The following HTR2A variants were observed in gnomAD, a reference collection of about 807,000 sequenced individuals.
HTR2A encodes 5-HT2 receptor.
In HTR2A, 14 loss-of-function variants were observed where a neutral mutation model predicts 31.0. The observed-to-expected ratio is 0.45, with a 90% CI of 0.30 to 0.71. The LOEUF (loss-of-function observed/expected upper bound fraction) is 0.71. Among genes scored for constraint, HTR2A ranks in the 30% least tolerant of loss-of-function variants. The pLI, the probability that HTR2A is intolerant of heterozygous loss-of-function variation, is 0.09. For synonymous variants in HTR2A, 209 were observed against 225.2 expected (o/e 0.93, Z 0.64); for missense variants, 442 against 573.3 (o/e 0.77, Z 2.34).
At chr13:46,865,317 G>A (rs1194446853) in intron 3 of HTR2A, among the ~76,000 whole-genome samples, 3 of 152,214 alleles carry the variant, frequency 2.0e-5, no homozygotes, top group Non-Finnish European at 2.9e-5. Context: ...GCAAGTGATA[G>A]GGAGGAAAGA....
intron 3 of HTR2A, among the ~76,000 whole-genome samples, chr13:46,855,903 G>A (rs1460549494): frequency 2.6e-5 from 4 of 152,148 alleles, no homozygotes; most frequent in Non-Finnish European, 5.9e-5. Flanking sequence ...AACAGCTCTG[G>A]GCGTTGGAGC....
chr13:46,842,005 C>G (rs1950601177), intron 3 of HTR2A, among the ~76,000 whole-genome samples: 1 of 152,174 alleles, frequency 6.6e-6, no homozygotes, highest in East Asian at 1.9e-4. Flanking sequence ...CTGCTGATCA[C>G]TATGTTAGTT....
intron 3 of HTR2A, among the ~76,000 whole-genome samples, chr13:46,866,795 G>T (rs992391510): frequency 1.1e-4 from 17 of 152,220 alleles, no homozygotes; most frequent in African/African-American, 3.9e-4. Context: ...GGGAGGCCAA[G>T]GTGGGTGGAT....
Position 46,882,637 on chromosome 13 carries a change from A to C in HTR2A, c.613+9753T>G, listed in dbSNP as rs150268441. 1.7e-4 allele frequency among the ~76,000 whole-genome samples: 26 copies of C among 152,358 alleles called. No individual in the cohort carries two copies. In the East Asian group the frequency reaches 4.8e-3, roughly 28 times the overall value. On this transcript the variant is annotated intron_variant, in intron 3 of 3. Coordinates refer to ENST00000542664, the MANE Select transcript of HTR2A (RefSeq NM_000621.5). ...CATGTGGAAAAAAACAAGTAATGTC[A>C]AGTGACAAGTAACAAACTGGGAATA...
chr13:46,837,066 T>C (rs1221214611), intron 3 of HTR2A, among the ~76,000 whole-genome samples: 1 of 152,114 alleles, frequency 6.6e-6, no homozygotes, highest in African/African-American at 2.4e-5. Context: ...ATCACCCAGA[T>C]TTGGGGGATC....
chr13:46,850,256 T>A (rs1007312477), intron 3 of HTR2A, among the ~76,000 whole-genome samples: 2 of 152,222 alleles, frequency 1.3e-5, no homozygotes, highest in African/African-American at 4.8e-5. Context: ...TAGTAAATAA[T>A]AATGATAAAA....
Position 46,895,365 on chromosome 13 carries a change from G to T in HTR2A, c.412+130C>A. On this transcript the variant is annotated intron_variant, in intron 2 of 3. Coordinates refer to ENST00000542664, the MANE Select transcript of HTR2A (RefSeq NM_000621.5). This position sits in a 1 kb window ranked among gnomAD's most constrained non-coding sequence, Gnocchi z 4.4. The stretch of plus-strand genomic sequence containing the variant: ...AGAGTAAAATATAAGTAACATAGTA[G>T]GCTCTAGTCTATAAACAAAGACTTC... 2 of 747,822 alleles carry T rather than the reference G, an allele frequency of 2.7e-6. No individual in the cohort carries two copies. Among genetic ancestry groups the T allele is most frequent in the South Asian group, 1.9e-5 (1 of 51,350 alleles). The allele number at this position is 747,822 out of a possible 1,614,324, so 46.3% of individuals were successfully genotyped here. A position where few individuals can be genotyped will look rare whatever the true frequency, so the allele number is the denominator to read the frequency against.
chr13:46,847,963 G>T (rs1027112713), intron 3 of HTR2A, among the ~76,000 whole-genome samples: 4 of 152,058 alleles, frequency 2.6e-5, no homozygotes, highest in African/African-American at 9.7e-5. Flanking sequence ...GTTTCCTAGA[G>T]CTTCTAGGAT....
At chr13:46,849,790 G>GAAAA (rs1456393184) in intron 3 of HTR2A, among the ~76,000 whole-genome samples, 1 of 152,182 alleles carries the variant, frequency 6.6e-6, no homozygotes, top group African/African-American at 2.4e-5. Flanking sequence ...GCCACTGTAT[G>GAAAA]AGATTATCTT....
At chr13:46,848,097 G>A (rs1950657122) in intron 3 of HTR2A, among the ~76,000 whole-genome samples, 1 of 152,200 alleles carries the variant, frequency 6.6e-6, no homozygotes, top group South Asian at 2.1e-4. Context: ...CTGTCTTTCA[G>A]TGAGTGATAT....
Position 46,895,965 on chromosome 13 carries a change from G to A in HTR2A, c.-59C>T. The A allele has an allele frequency of 6.5e-7, 1 of 1,542,274 alleles. No homozygotes were observed. Among genetic ancestry groups the A allele is most frequent in the Non-Finnish European group, 8.7e-7 (1 of 1,148,048 alleles). On this transcript the variant is annotated 5_prime_UTR_variant, in exon 2 of 4. It introduces an in-frame stop codon into an upstream open reading frame of the 5' UTR. Transcript: ENST00000542664. The surrounding 1 kb of genome is among the most constrained non-coding windows in gnomAD (Gnocchi z 4.4). Reference sequence around the variant, plus strand: ...GAAGGACTAACAGGTTATAGTTTCTGCTCACCATTCACCTTGATGTACCCA... The same window carrying A: ...GAAGGACTAACAGGTTATAGTTTCTACTCACCATTCACCTTGATGTACCCA...
At chr13:46,843,613 G>A (rs766072460) in intron 3 of HTR2A, among the ~76,000 whole-genome samples, 2 of 152,170 alleles carry the variant, frequency 1.3e-5, no homozygotes, top group Non-Finnish European at 2.9e-5. Flanking sequence ...GAGGTATGGT[G>A]GCTGTGCCAT....
intron 3 of HTR2A, among the ~76,000 whole-genome samples, chr13:46,885,195 T>C (rs537263093): frequency 6.6e-6 from 1 of 152,324 alleles, no homozygotes; most frequent in Non-Finnish European, 1.5e-5. Flanking sequence ...TATGATGCCA[T>C]GGCAGTTGAT....
intron 3 of HTR2A, among the ~76,000 whole-genome samples, chr13:46,887,495 A>T (rs1347714545): frequency 6.6e-6 from 1 of 151,826 alleles, no homozygotes; most frequent in Admixed American, 6.6e-5. Context: ...ATCAACAGAC[A>T]GAATGAAGAG....
chr13:46,886,394 AG>A (rs1003695386), intron 3 of HTR2A, among the ~76,000 whole-genome samples: 34 of 152,314 alleles, frequency 2.2e-4, no homozygotes, highest in African/African-American at 8.2e-4. Context: ...ATAAGATGGA[AG>A]GGCTAAAACT....
At chr13:46,885,337 G>T (rs1009197922) in intron 3 of HTR2A, among the ~76,000 whole-genome samples, 5 of 152,046 alleles carry the variant, frequency 3.3e-5, no homozygotes, top group African/African-American at 9.7e-5. Context: ...CACTCTACTT[G>T]GTATGGAGGG....
intron 3 of HTR2A, among the ~76,000 whole-genome samples, chr13:46,837,770 A>G (rs2138339825): frequency 6.6e-6 from 1 of 152,386 alleles, no homozygotes; most frequent in East Asian, 1.9e-4. Context: ...CATCGTGGCC[A>G]GGAAAGAACG....
chr13:46,895,243 G>T lies in HTR2A; in HGVS notation c.412+252C>A. ...GTTTTGAAGCACAAAACTCTCCAATGATCATTTTTACACAGGATGTACGCG... is the reference window on the plus strand; with the variant it reads ...GTTTTGAAGCACAAAACTCTCCAATTATCATTTTTACACAGGATGTACGCG... On this transcript the variant is annotated intron_variant, in intron 2 of 3. Coordinates refer to ENST00000542664, the MANE Select transcript of HTR2A (RefSeq NM_000621.5). The surrounding 1 kb of genome is among the most constrained non-coding windows in gnomAD (Gnocchi z 4.4). 1 of 383,386 alleles carries T rather than the reference G, an allele frequency of 2.6e-6. No individual in the cohort carries two copies. The allele number at this position is 383,386 out of a possible 1,614,324, so 23.7% of individuals were successfully genotyped here.
chr13:46,861,001 A>T (rs1950774591), intron 3 of HTR2A, among the ~76,000 whole-genome samples: 2 of 152,188 alleles, frequency 1.3e-5, no homozygotes, highest in African/African-American at 4.8e-5. Flanking sequence ...TTAATCACCA[A>T]ACTGAAAAGG....
Sources: gnomAD v4.1 joint callset for allele counts (sites outside exome capture counted in the v4.1 genomes callset) on GRCh38, gnomAD v4.1.1 for gene constraint, Gnocchi (gnomAD v3.1) non-coding constraint, MANE v1.5 for transcripts, NCBI Gene and HGNC (gene_info 2026-07-23, HGNC 2026-07-21) for gene names.